Variants in SMIM41 observed in about 807,000 individuals in gnomAD.
SMIM41 encodes the protein small integral membrane protein 41.
At chr12:52,082,110 C>T (rs549662151) in intron 1 of SMIM41, 1 of 152,568 alleles carries the variant, frequency 6.6e-6, no homozygotes, top group East Asian at 1.9e-4. Flanking sequence ...GCCAGCTGGG[C>T]TCAGCTTTCC....
At chr12:52,099,357 G>A (rs538905945) in intron 2 of SMIM41, among the ~76,000 whole-genome samples, 2 of 151,856 alleles carry the variant, frequency 1.3e-5, no homozygotes, top group Non-Finnish European at 2.9e-5. Context: ...CATCCCCTGC[G>A]ATATTGGGAG....
chr12:52,087,254 C>T (rs1184379591), intron 2 of SMIM41, among the ~76,000 whole-genome samples: 1 of 152,228 alleles, frequency 6.6e-6, no homozygotes, highest in Admixed American at 6.5e-5. Flanking sequence ...TCTTCAGTTG[C>T]TCCTCTGCTG....
At chr12:52,080,406 C>CT (rs919989073) in intron 1 of SMIM41, among the ~76,000 whole-genome samples, 6 of 152,312 alleles carry the variant, frequency 3.9e-5, no homozygotes, top group Admixed American at 6.5e-5. Context: ...ATTGTGTCTC[C>CT]TGCAGCTCTG....
intron 2 of SMIM41, among the ~76,000 whole-genome samples, chr12:52,085,222 G>T (rs1019959651): frequency 6.6e-6 from 1 of 152,236 alleles, no homozygotes; most frequent in Non-Finnish European, 1.5e-5. Flanking sequence ...GGTGGGAGCA[G>T]GCCTCAGTTT....
In SMIM41 at chr12:52,107,435, G is replaced by T. The variant is rs377619307; in HGVS notation, c.*252G>T. ...CTTGCTGGACTGTTCCTGTCCATGT[G>T]CCTGGTCATGGTGCTGGGGAACCTG... is the stretch of plus-strand genomic sequence containing the variant. On this transcript the variant is annotated 3_prime_UTR_variant, in exon 3 of 3. Transcript: ENST00000546390. The T allele has an allele frequency of 4.5e-4, 266 of 586,522 alleles. 1 individual carries two copies. Among genetic ancestry groups the T allele is most frequent in the African/African-American group, 4.0e-3 (212 of 53,384 alleles). The allele number at this position is 586,522 out of a possible 1,614,324, so 36.3% of individuals were successfully genotyped here. A position where few individuals can be genotyped will look rare whatever the true frequency, so the allele number is the denominator to read the frequency against.
intron 1 of SMIM41, among the ~76,000 whole-genome samples, chr12:52,082,844 G>A (rs1254908006): frequency 1.3e-5 from 2 of 152,164 alleles, no homozygotes; most frequent in Non-Finnish European, 2.9e-5. Context: ...AGACGGGGGT[G>A]GCTCTCTCTA....
At chr12:52,095,005 G>C (rs574411410) in intron 2 of SMIM41, among the ~76,000 whole-genome samples, 3 of 150,506 alleles carry the variant, frequency 2.0e-5, no homozygotes, top group Non-Finnish European at 4.4e-5. Context: ...GAGTGCAGTG[G>C]TGTGATCTCC....
intron 2 of SMIM41, among the ~76,000 whole-genome samples, chr12:52,086,821 G>A (rs1027105944): frequency 6.6e-6 from 1 of 152,206 alleles, no homozygotes; most frequent in Non-Finnish European, 1.5e-5. Flanking sequence ...CACTTCCAGT[G>A]TAGATTGCTT....
intron 2 of SMIM41, among the ~76,000 whole-genome samples, chr12:52,084,998 G>A (rs1473288760): frequency 2.6e-5 from 4 of 152,038 alleles, no homozygotes; most frequent in African/African-American, 9.7e-5. Flanking sequence ...AGAGGGAGGA[G>A]GGGAGGACGA....
chr12:52,090,747 C>T (rs1329712677), intron 2 of SMIM41, among the ~76,000 whole-genome samples: 3 of 152,208 alleles, frequency 2.0e-5, no homozygotes, highest in Non-Finnish European at 4.4e-5. Context: ...AAAGACTGGG[C>T]AGCCAGTCTC....
intron 2 of SMIM41, among the ~76,000 whole-genome samples, chr12:52,091,291 G>T (rs1453597318): frequency 6.6e-6 from 1 of 152,218 alleles, no homozygotes; most frequent in African/African-American, 2.4e-5. Flanking sequence ...CTCAGCCTGA[G>T]CCTCTGCTCT....
intron 2 of SMIM41, among the ~76,000 whole-genome samples, chr12:52,100,775 C>CA (rs955991327): frequency 2.0e-5 from 3 of 152,016 alleles, no homozygotes; most frequent in African/African-American, 7.2e-5. Flanking sequence ...GCCCAGCCAC[C>CA]ACTTAGCATT....
At chr12:52,082,330 C>T (rs552803723) in intron 1 of SMIM41, among the ~76,000 whole-genome samples, 2 of 152,264 alleles carry the variant, frequency 1.3e-5, no homozygotes, top group Non-Finnish European at 2.9e-5. Context: ...TCTGCTCACA[C>T]CCAGGACAGG....
At chr12:52,095,620 C>T (rs1940079186) in intron 2 of SMIM41, among the ~76,000 whole-genome samples, 2 of 152,024 alleles carry the variant, frequency 1.3e-5, no homozygotes, top group African/African-American at 4.8e-5. Flanking sequence ...GGGGCGTGTC[C>T]ACCCCATGCG....
At chr12:52,092,700 C>T (rs1424838084) in intron 2 of SMIM41, 1 of 152,074 alleles carries the variant, frequency 6.6e-6, no homozygotes, top group East Asian at 1.9e-4. Flanking sequence ...AAGAGTAGAA[C>T]AATTTTAGAA....
intron 2 of SMIM41, among the ~76,000 whole-genome samples, chr12:52,098,305 C>T (rs183124506): frequency 3.4e-4 from 51 of 151,436 alleles, no homozygotes; most frequent in Middle Eastern, 6.8e-3. Context: ...ACACACACTT[C>T]GATATTGGTA....
chr12:52,086,135 A>C (rs920103862), intron 2 of SMIM41, among the ~76,000 whole-genome samples: 2 of 152,104 alleles, frequency 1.3e-5, no homozygotes, highest in African/African-American at 2.4e-5. Context: ...TGGGGGAGGG[A>C]GCCCGAGGAG....
intron 2 of SMIM41, among the ~76,000 whole-genome samples, chr12:52,100,113 A>G (rs1011817819): frequency 1.6e-5 from 1 of 61,860 alleles, no homozygotes; most frequent in Non-Finnish European, 3.6e-5. Context: ...AAAAATATCA[A>G]GCGCGGGTAT....
In SMIM41 at chr12:52,081,890, C is replaced by T. The variant is rs966718371; in HGVS notation, c.*120+1709C>T. On this transcript the variant is annotated intron_variant, in intron 1 of 2. Transcript: ENST00000546390. This position sits in a 1 kb window ranked among gnomAD's most constrained non-coding sequence, Gnocchi z 4.1. ...CAGGCCCCCTTCTGGCACTTGGGGG[C>T]CCCTCTCACTCTGTCCTCTTCCCTT... 6.6e-6 allele frequency among the ~76,000 whole-genome samples: 1 copy of T among 152,172 alleles called. No homozygotes were observed. Among genetic ancestry groups the T allele is most frequent in the African/African-American group, 2.4e-5 (1 of 41,438 alleles).
Sources: allele counts gnomAD v4.1 joint callset (sites outside exome capture counted in the v4.1 genomes callset), GRCh38; gene constraint gnomAD v4.1.1; non-coding constraint Gnocchi (gnomAD v3.1); transcripts MANE v1.5; gene names NCBI Gene and HGNC (gene_info 2026-07-23, HGNC 2026-07-21).